Variants in SYTL3 observed in about 807,000 individuals in gnomAD.
SYTL3 encodes synaptotagmin-like protein 3.
SYTL3 carries 88 observed loss-of-function variants against 82.1 expected under a neutral mutation model. The observed-to-expected ratio is 1.07, with a 90% confidence interval of 0.90 to 1.28. SYTL3 has a LOEUF of 1.28. Ranked by LOEUF, SYTL3 falls within the 50% of genes most tolerant of loss-of-function variation. The pLI is 0.00. For synonymous variants in SYTL3, 311 were observed against 289.4 expected (o/e 1.07, Z -0.76); for missense variants, 831 against 757.6 (o/e 1.10, Z -1.14).
chr6:158,687,699 G>A (rs961588471), intron 6 of SYTL3, among the ~76,000 whole-genome samples: 2 of 152,084 alleles, frequency 1.3e-5, no homozygotes, highest in African/African-American at 2.4e-5. Context: ...TGAGTCTCTG[G>A]AATCTTCCTC....
At chr6:158,718,390 G>T (rs1245754183) in intron 10 of SYTL3, among the ~76,000 whole-genome samples, 179 bp downstream of exon 10, 1 of 152,228 alleles carries the variant, frequency 6.6e-6, no homozygotes, top group Non-Finnish European at 1.5e-5. Flanking sequence ...CCCAAGGCAG[G>T]TCAGGATTGA....
intron 17 of SYTL3, 77 bp from the exon 18 acceptor site, chr6:158,764,418 C>T: frequency 1.8e-6 from 2 of 1,125,456 alleles, no homozygotes; most frequent in Non-Finnish European, 2.6e-6. Context: ...TCTGGCTGGT[C>T]ATCATTTTTA....
At chr6:158,731,085 C>G (rs1785342830) in intron 11 of SYTL3, among the ~76,000 whole-genome samples, 1 of 151,814 alleles carries the variant, frequency 6.6e-6, no homozygotes. Context: ...GAGATCGAGA[C>G]CATCCTGGCC....
chr6:158,737,097 AC>A (rs567579799), intron 11 of SYTL3, among the ~76,000 whole-genome samples: 172 of 151,940 alleles, frequency 1.1e-3, no homozygotes, highest in African/African-American at 3.8e-3. Flanking sequence ...AAGGTCATCC[AC>A]ATTTTGTGGC....
At chr6:158,667,815 C>T (rs1790264561) in intron 5 of SYTL3, among the ~76,000 whole-genome samples, 1 of 152,100 alleles carries the variant, frequency 6.6e-6, no homozygotes, top group Non-Finnish European at 1.5e-5. Context: ...AGGTGTTGGC[C>T]CTGATCTTGT....
intron 6 of SYTL3, among the ~76,000 whole-genome samples, 164 bp downstream of exon 6, chr6:158,683,153 C>T (rs1249503975): frequency 6.6e-6 from 1 of 151,294 alleles, no homozygotes; most frequent in African/African-American, 2.4e-5. Flanking sequence ...TCACGCTGCT[C>T]ATTCCCTCTG....
intron 17 of SYTL3, among the ~76,000 whole-genome samples, chr6:158,764,269 C>T (rs1296036005): frequency 4.6e-5 from 7 of 152,168 alleles, no homozygotes; most frequent in Non-Finnish European, 8.8e-5. Flanking sequence ...TACAGAACTC[C>T]AGGCTGTTAG....
At chr6:158,754,736 C>T (rs1788848347) in intron 13 of SYTL3, among the ~76,000 whole-genome samples, 1 of 152,148 alleles carries the variant, frequency 6.6e-6, no homozygotes, top group Non-Finnish European at 1.5e-5. Flanking sequence ...CAAAACAAAA[C>T]AAAGCAAAGG....
chr6:158,658,702 A>C (rs1789003313), intron 2 of SYTL3, among the ~76,000 whole-genome samples: 1 of 152,078 alleles, frequency 6.6e-6, no homozygotes, highest in Non-Finnish European at 1.5e-5. Context: ...AGGTGGGAGG[A>C]TCACCTGAAG....
At chr6:158,670,877 A>G (rs1287894866) in intron 5 of SYTL3, among the ~76,000 whole-genome samples, 1 of 150,898 alleles carries the variant, frequency 6.6e-6, no homozygotes, top group Non-Finnish European at 1.5e-5. Flanking sequence ...ATCTCGGCTC[A>G]CTGCAAGCTC....
At chr6:158,680,744 C>A (rs550287484) in intron 5 of SYTL3, among the ~76,000 whole-genome samples, 1 of 152,044 alleles carries the variant, frequency 6.6e-6, no homozygotes, top group Non-Finnish European at 1.5e-5. Flanking sequence ...AGAGCCAGAC[C>A]CTGTCTCAAA....
At position 158,662,998 on chromosome 6, in the gene SYTL3, C is replaced by T. The variant is rs2128364063; in HGVS notation, c.-271C>T. 3.0e-6 allele frequency: 1 copy of T among 329,672 alleles called. No individual in the cohort carries two copies. Among genetic ancestry groups the T allele is most frequent in the East Asian group, 5.3e-5 (1 of 18,890 alleles). 20.4% of individuals were successfully genotyped at this position (329,672 alleles called of 1,614,324 possible). On this transcript the variant is annotated 5_prime_UTR_variant, in exon 4 of 18. Transcript: ENST00000611299. ...ATGGATGTCAGCAGCTGCTGCAGAA[C>T]CCGGTGAAAACACCCCCCGGGTAGC... is the stretch of plus-strand genomic sequence containing the variant.
chr6:158,695,871 G>A (rs1244948642), intron 6 of SYTL3, among the ~76,000 whole-genome samples: 1 of 152,110 alleles, frequency 6.6e-6, no homozygotes. Flanking sequence ...ATTCCTTTTT[G>A]TGGATGAATA....
At chr6:158,687,659 C>T (rs190580418) in intron 6 of SYTL3, among the ~76,000 whole-genome samples, 1 of 152,310 alleles carries the variant, frequency 6.6e-6, no homozygotes, top group Non-Finnish European at 1.5e-5. Context: ...TACATCTGGT[C>T]AGTCAGCAAA....
intron 12 of SYTL3, among the ~76,000 whole-genome samples, chr6:158,746,126 C>A (rs1787610941): frequency 6.6e-6 from 1 of 151,970 alleles, no homozygotes; most frequent in Non-Finnish European, 1.5e-5. Context: ...TCTCTTCGGG[C>A]CTCTTTTATG....
intron 10 of SYTL3, among the ~76,000 whole-genome samples, chr6:158,723,511 T>G (rs1481671507): frequency 1.3e-5 from 2 of 151,568 alleles, no homozygotes; most frequent in African/African-American, 4.9e-5. Context: ...CTTTGTACCT[T>G]TTTTTTTCCT....
At chr6:158,749,687 T>C (rs941496476) in intron 12 of SYTL3, among the ~76,000 whole-genome samples, 1 of 151,930 alleles carries the variant, frequency 6.6e-6, no homozygotes, top group Non-Finnish European at 1.5e-5. Flanking sequence ...GAGGTCCCAC[T>C]ATGTTGCCCA....
chr6:158,684,102 C>T (rs556168018), intron 6 of SYTL3, among the ~76,000 whole-genome samples: 4 of 152,160 alleles, frequency 2.6e-5, no homozygotes, highest in South Asian at 2.1e-4. Context: ...CGGAAATACC[C>T]GTAATTTATT....
intron 5 of SYTL3, among the ~76,000 whole-genome samples, chr6:158,668,856 A>G (rs1777039958): frequency 6.6e-6 from 1 of 152,154 alleles, no homozygotes; most frequent in Admixed American, 6.5e-5. Context: ...TGGCATGCTG[A>G]ACTGGATCAC....
Sources: gnomAD v4.1 joint callset for allele counts (sites outside exome capture counted in the v4.1 genomes callset) on GRCh38, gnomAD v4.1.1 for gene constraint, MANE v1.5 for transcripts, NCBI Gene and HGNC (gene_info 2026-07-23, HGNC 2026-07-21) for gene names.